Variants in SCARA5 observed in about 807,000 individuals in gnomAD.
SCARA5 encodes scavenger receptor class A member 5, also known as scavenger receptor class A, member 5 (putative).
A neutral mutation model predicts 46.3 loss-of-function variants in SCARA5; 45 were observed. The observed-to-expected ratio is 0.97, with a 90% CI of 0.76 to 1.24. The LOEUF (loss-of-function observed/expected upper bound fraction) is 1.24. Among genes scored for constraint, SCARA5 ranks in the 50% most tolerant of loss-of-function variants. SCARA5 has a pLI of 0.00. For missense variants in SCARA5, 680 were observed against 689.0 expected, an observed-to-expected ratio of 0.99 and a Z score of 0.15; for synonymous variants, 333 against 306.5, an observed-to-expected ratio of 1.09 and a Z score of -0.90.
chr8:27,988,196 G>A (rs1808733681), intron 1 of SCARA5, among the ~76,000 whole-genome samples: 1 of 152,194 alleles, frequency 6.6e-6, no homozygotes, highest in African/African-American at 2.4e-5. Flanking sequence ...GAAGGAGCTT[G>A]GCTCAGTAGG....
At chr8:27,985,890 T>C (rs2129984383) in intron 2 of SCARA5, among the ~76,000 whole-genome samples, 1 of 152,296 alleles carries the variant, frequency 6.6e-6, no homozygotes, top group East Asian at 1.9e-4. Flanking sequence ...GCTGTTAATT[T>C]CCAGTCGTTC....
At chr8:27,982,929 G>A (rs145365651) in intron 2 of SCARA5, among the ~76,000 whole-genome samples, 1 of 152,324 alleles carries the variant, frequency 6.6e-6, no homozygotes, top group Non-Finnish European at 1.5e-5. Context: ...AAAACAGCAG[G>A]TCCGGTGCAG....
chr8:27,905,525 G>GCGGGGGGGT (rs1554570605), intron 6 of SCARA5, among the ~76,000 whole-genome samples: 3 of 39,072 alleles, frequency 7.7e-5, no homozygotes, highest in Non-Finnish European at 1.2e-4. Context: ...CCAAGATTTG[G>GCGGGGGGGT]GGGGGGGAAA....
intron 3 of SCARA5, among the ~76,000 whole-genome samples, chr8:27,938,106 A>AGGC (rs1051820086): frequency 1.3e-5 from 2 of 151,950 alleles, no homozygotes; most frequent in African/African-American, 2.4e-5. Flanking sequence ...TCTTGTCATT[A>AGGC]GGCGATACTG....
chr8:27,983,855 G>C (rs1477108715), intron 2 of SCARA5, among the ~76,000 whole-genome samples: 1 of 151,964 alleles, frequency 6.6e-6, no homozygotes, highest in Admixed American at 6.5e-5. Context: ...CTGTACTTTT[G>C]GGACTTTGCC....
intron 3 of SCARA5, among the ~76,000 whole-genome samples, chr8:27,961,292 C>T (rs1039911951): frequency 2.6e-5 from 4 of 152,136 alleles, no homozygotes; most frequent in African/African-American, 9.7e-5. Flanking sequence ...TGAGTGAGTT[C>T]TTGCTCCATT....
At chr8:27,875,765 C>T (rs1002008814) in intron 8 of SCARA5, among the ~76,000 whole-genome samples, 19 of 152,280 alleles carry the variant, frequency 1.2e-4, no homozygotes, top group African/African-American at 4.1e-4. Flanking sequence ...TGACCAGGCA[C>T]TCGTTTTAGA....
At chr8:27,873,215 G>A (rs985761883) in intron 8 of SCARA5, among the ~76,000 whole-genome samples, 3 of 152,118 alleles carry the variant, frequency 2.0e-5, no homozygotes, top group South Asian at 4.2e-4. Context: ...AGGTTCCCAC[G>A]CCGCCCCTAA....
At chr8:27,926,929 C>A (rs903406888) in intron 3 of SCARA5, among the ~76,000 whole-genome samples, 21 of 152,124 alleles carry the variant, frequency 1.4e-4, no homozygotes, top group African/African-American at 5.1e-4. Flanking sequence ...CCAAGAGGCA[C>A]CACAGCTTAT....
chr8:27,907,306 G>A, intron 5 of SCARA5, 60 bp from the exon 6 acceptor site: 2 of 1,254,872 alleles, frequency 1.6e-6, no homozygotes, highest in Non-Finnish European at 2.3e-6. Context: ...GACCCTCAGA[G>A]GTCATCGTCG....
intron 1 of SCARA5, among the ~76,000 whole-genome samples, chr8:27,989,817 C>G (rs770673975): frequency 1.3e-5 from 2 of 152,248 alleles, no homozygotes; most frequent in Non-Finnish European, 2.9e-5. Context: ...GGCAGGGCCT[C>G]TAGGTGGGGC....
intron 2 of SCARA5, among the ~76,000 whole-genome samples, chr8:27,967,508 G>C (rs529343101): frequency 6.6e-6 from 1 of 152,186 alleles, no homozygotes; most frequent in African/African-American, 2.4e-5. Context: ...GAATCACTGG[G>C]TGGGGGCGGC....
chr8:27,979,824 G>A (rs1440696595), intron 2 of SCARA5, among the ~76,000 whole-genome samples: 1 of 152,120 alleles, frequency 6.6e-6, no homozygotes, highest in Non-Finnish European at 1.5e-5. Context: ...GCCTCCCAAA[G>A]TGCCAGAATT....
intron 2 of SCARA5, among the ~76,000 whole-genome samples, chr8:27,980,922 C>T (rs568097333): frequency 2.0e-5 from 3 of 152,174 alleles, no homozygotes; most frequent in Non-Finnish European, 2.9e-5. Context: ...AAACACTCTC[C>T]AGGCCAGGGT....
intron 4 of SCARA5, chr8:27,910,443 A>G (rs2726994): frequency 0.56 from 84,904 of 152,276 alleles, 24,306 homozygotes; most frequent in Non-Finnish European, 0.63. Context: ...ATAAAAGATG[A>G]GGGACACACT....
At chr8:27,874,551 A>G (rs1480784713) in intron 8 of SCARA5, among the ~76,000 whole-genome samples, 2 of 152,262 alleles carry the variant, frequency 1.3e-5, no homozygotes, top group African/African-American at 4.8e-5. Context: ...TCCTACTCCA[A>G]CTGCAGAACT....
At chr8:27,964,618 A>T (rs1444361964) in intron 3 of SCARA5, among the ~76,000 whole-genome samples, 1 of 152,084 alleles carries the variant, frequency 6.6e-6, no homozygotes, top group Non-Finnish European at 1.5e-5. Flanking sequence ...GTCTCCTAAT[A>T]ACATCCACCT....
intron 3 of SCARA5, among the ~76,000 whole-genome samples, chr8:27,957,289 C>A (rs1405144797): frequency 3.9e-5 from 6 of 152,192 alleles, no homozygotes; most frequent in Non-Finnish European, 7.3e-5. Context: ...ATATTCGAAG[C>A]TGAATTACTG....
intron 2 of SCARA5, among the ~76,000 whole-genome samples, chr8:27,967,862 G>C (rs1050172193): frequency 6.6e-6 from 1 of 152,162 alleles, no homozygotes; most frequent in Non-Finnish European, 1.5e-5. Context: ...GCAGTGAGCT[G>C]AGATCACGCC....
Sources: gnomAD v4.1 joint callset for allele counts (sites outside exome capture counted in the v4.1 genomes callset) on GRCh38, gnomAD v4.1.1 for gene constraint, MANE v1.5 for transcripts, NCBI Gene and HGNC (gene_info 2026-07-23, HGNC 2026-07-21) for gene names.